Variants in SPATA18 observed in about 807,000 individuals in gnomAD.
SPATA18 encodes the protein mitochondria-eating protein.
A neutral mutation model predicts 68.1 loss-of-function variants in SPATA18; 54 were observed. The ratio of observed to expected loss-of-function variants is 0.79; its 90% CI spans 0.64 to 0.99. SPATA18 has a LOEUF of 0.99. Ranked by LOEUF, SPATA18 falls within the 50% of genes least tolerant of loss-of-function variation. The pLI, the probability that SPATA18 is intolerant of heterozygous loss-of-function variation, is 0.00. For missense variants in SPATA18, 724 were observed against 681.1 expected (o/e 1.06, Z -0.70); for synonymous variants, 242 against 244.8 (o/e 0.99, Z 0.11).
chr4:52,054,614 G>A (rs1281294246), intron 1 of SPATA18, among the ~76,000 whole-genome samples: 1 of 151,920 alleles, frequency 6.6e-6, no homozygotes, highest in African/African-American at 2.4e-5. Flanking sequence ...ATTACAATTA[G>A]GCCCTATACA....
At chr4:52,066,794 G>C (rs1445996420) in intron 4 of SPATA18, among the ~76,000 whole-genome samples, 1 of 152,138 alleles carries the variant, frequency 6.6e-6, no homozygotes, top group East Asian at 1.9e-4. Context: ...TGAAGATAAT[G>C]GCTTCTAGCT....
rs748435698 is a variant in SPATA18 at position 52,051,801 on chromosome 4, G to C, written c.87+10G>C. The C allele has an allele frequency of 3.1e-6, 5 of 1,612,610 alleles. No homozygotes were observed. The highest frequency in any genetic ancestry group is 4.2e-6 in the Non-Finnish European group (5 of 1,179,440). On this transcript the variant is annotated intron_variant, in intron 1 of 12. Coordinates refer to ENST00000295213, the MANE Select transcript of SPATA18 (RefSeq NM_145263.4). ...GCTGAAGGAGTACAACGTGAGTCTG[G>C]GTGAAAAACCCCCGGGGTTCGCCCT...
chr4:52,068,221 T>C (rs1431487528), intron 4 of SPATA18, among the ~76,000 whole-genome samples: 1 of 152,248 alleles, frequency 6.6e-6, no homozygotes, highest in Non-Finnish European at 1.5e-5. Flanking sequence ...TTACATCTTA[T>C]ATTTGAATTA....
At chr4:52,080,988 A>C (rs1312332778) in intron 9 of SPATA18, among the ~76,000 whole-genome samples, 3 of 152,230 alleles carry the variant, frequency 2.0e-5, no homozygotes, top group African/African-American at 2.4e-5. Flanking sequence ...TATAGCATGT[A>C]ATATTTTCTT....
At chr4:52,087,494 A>G (rs1741540997) in intron 11 of SPATA18, among the ~76,000 whole-genome samples, 12 of 152,182 alleles carry the variant, frequency 7.9e-5, no homozygotes, top group Admixed American at 6.5e-4. Flanking sequence ...ATGGCTAGCC[A>G]GTTTTCACAA....
At chr4:52,075,571 T>C (rs1346641977) in intron 6 of SPATA18, among the ~76,000 whole-genome samples, 1 of 152,184 alleles carries the variant, frequency 6.6e-6, no homozygotes. Flanking sequence ...AACTTGTGTA[T>C]TTATGCACAT....
intron 8 of SPATA18, 29 bp downstream of exon 8, chr4:52,078,922 GT>G (rs1740659324): frequency 1.3e-6 from 2 of 1,528,800 alleles, no homozygotes; most frequent in Non-Finnish European, 1.8e-6. Flanking sequence ...ATTAGGACTG[GT>G]TTGCTGCTGC....
chr4:52,066,533 G>A (rs896942895), intron 4 of SPATA18, among the ~76,000 whole-genome samples: 15 of 152,122 alleles, frequency 9.9e-5, no homozygotes, highest in South Asian at 2.1e-4. Context: ...CGGGATACAC[G>A]TGCAGGATGT....
intron 11 of SPATA18, among the ~76,000 whole-genome samples, chr4:52,093,772 C>G (rs1374825374): frequency 4.6e-5 from 7 of 152,176 alleles, no homozygotes; most frequent in Non-Finnish European, 7.3e-5. Flanking sequence ...CTTTCTTTCT[C>G]ATGTTGTGCT....
chr4:52,080,349 G>A (rs1740813319), intron 9 of SPATA18, among the ~76,000 whole-genome samples: 3 of 152,054 alleles, frequency 2.0e-5, no homozygotes, highest in African/African-American at 7.2e-5. Context: ...TCTAAGACAG[G>A]GCTCAGGAAT....
At chr4:52,072,270 A>G in intron 6 of SPATA18, 114 bp downstream of exon 6, 1 of 1,470,322 alleles carries the variant, frequency 6.8e-7, no homozygotes. Flanking sequence ...AAACCTCAGC[A>G]ATCTGCCAAG....
Position 52,051,619 on chromosome 4 carries a change from AT to A in SPATA18, c.-85del. 1 of 1,265,626 alleles carries A rather than the reference AT, an allele frequency of 7.9e-7. No individual in the cohort carries two copies. The highest frequency in any genetic ancestry group is 1.2e-6 in the Non-Finnish European group (1 of 864,474). The allele number at this position is 1,265,626 out of a possible 1,614,324, so 78.4% of individuals were successfully genotyped here. Reference sequence around the variant, plus strand: ...CCCAGAAGAGAACACCCTTCCCGCCATATCACCCCACGGTCCTGCGGAGGCC... The same window carrying A: ...CCCAGAAGAGAACACCCTTCCCGCCAATCACCCCACGGTCCTGCGGAGGCC... On this transcript the variant is annotated 5_prime_UTR_variant, in exon 1 of 13. Transcript: ENST00000295213.
chr4:52,069,887 A>C lies in SPATA18; in HGVS notation c.489A>C (p.Ala163=). 1 of 1,594,222 alleles carries C rather than the reference A, an allele frequency of 6.3e-7. No individual in the cohort carries two copies. The highest frequency in any genetic ancestry group is 1.1e-5 in the South Asian group (1 of 87,616). Residue 163 remains alanine, a synonymous_variant, in exon 5 of 13, where the codon GCA becomes GCC. Coordinates refer to ENST00000295213, the MANE Select transcript of SPATA18 (RefSeq NM_145263.4). ...KNRSAISLLA[A]EEEINQLKKQ... ...GATCGGCCATATCCCTTTTGGCTGC[A>C]GAGGAGGAAATAAATCAGCTGAAAA...
chr4:52,053,015 C>A (rs967784295), intron 1 of SPATA18, among the ~76,000 whole-genome samples: 2 of 152,158 alleles, frequency 1.3e-5, no homozygotes, highest in Admixed American at 6.5e-5. Context: ...GACTTGGGTT[C>A]CCCCCAACTA....
In SPATA18 at chr4:52,077,005, G is replaced by A; in HGVS notation, c.985G>A (p.Glu329Lys). 6.2e-7 allele frequency: 1 copy of A among 1,611,298 alleles called. No individual in the cohort carries two copies. The highest frequency in any genetic ancestry group is 8.5e-7 in the Non-Finnish European group (1 of 1,178,674). The change falls in exon 7 of 13, where the codon GAG (glutamate) becomes AAG (lysine). Residue 329 changes from glutamate to lysine, a missense_variant. Coordinates refer to ENST00000295213, the MANE Select transcript of SPATA18 (RefSeq NM_145263.4). ...GCTGCGGCGCTGCATCGACAAGGCT[G>A]AGACCGTTCAGCGGATCATCTACAT... ...CLLRRCIDKA[E>K]TVQRIIYIAT...
intron 1 of SPATA18, among the ~76,000 whole-genome samples, chr4:52,058,883 C>G (rs1438517429): frequency 1.3e-5 from 2 of 152,210 alleles, no homozygotes; most frequent in African/African-American, 4.8e-5. Flanking sequence ...CCTCAGCTTT[C>G]TCATCTGAAA....
At chr4:52,065,728 C>T (rs1234663069) in intron 4 of SPATA18, among the ~76,000 whole-genome samples, 1 of 152,146 alleles carries the variant, frequency 6.6e-6, no homozygotes, top group African/African-American at 2.4e-5. Context: ...ATGAATGGGC[C>T]ACCCAAGGAG....
At chr4:52,092,551 C>T (rs973391658) in intron 11 of SPATA18, among the ~76,000 whole-genome samples, 6 of 152,210 alleles carry the variant, frequency 3.9e-5, no homozygotes, top group Non-Finnish European at 8.8e-5. Flanking sequence ...TCTGTCCAAC[C>T]AGTTCCAATG....
intron 11 of SPATA18, among the ~76,000 whole-genome samples, chr4:52,087,963 G>A (rs528996381): frequency 5.3e-5 from 8 of 152,130 alleles, no homozygotes; most frequent in African/African-American, 7.2e-5. Context: ...TGGGTTTGTC[G>A]TTCTCCTTGA....
Sources: allele counts gnomAD v4.1 joint callset (sites outside exome capture counted in the v4.1 genomes callset), GRCh38; gene constraint gnomAD v4.1.1; transcripts MANE v1.5; gene names NCBI Gene and HGNC (gene_info 2026-07-23, HGNC 2026-07-21).